Variants in DSCAML1 observed in about 807,000 individuals in gnomAD.
DSCAML1 encodes the protein cell adhesion molecule DSCAML1.
A neutral mutation model predicts 200.5 loss-of-function variants in DSCAML1; 38 were observed. The ratio of observed to expected loss-of-function variants is 0.19; its 90% CI spans 0.15 to 0.25. The LOEUF (loss-of-function observed/expected upper bound fraction) is 0.25, where lower values mean the gene tolerates loss of function less well. Ranked by LOEUF, DSCAML1 falls within the 10% of genes least tolerant of loss-of-function variation. DSCAML1 has a pLI of 1.00. For missense variants in DSCAML1, 2,223 were observed against 2,858.8 expected, an observed-to-expected ratio of 0.78 and a Z score of 5.07; for synonymous variants, 1,215 against 1,165.0, an observed-to-expected ratio of 1.04 and a Z score of -0.87.
At chr11:117,774,388 T>C (rs2055092920) in intron 3 of DSCAML1, among the ~76,000 whole-genome samples, 1 of 152,206 alleles carries the variant, frequency 6.6e-6, no homozygotes, top group South Asian at 2.1e-4. Flanking sequence ...CTCTTCCACC[T>C]AATAATCGCA....
chr11:117,432,338 G>A lies in DSCAML1; in HGVS notation c.5179+14C>T, dbSNP rs748096280. 21 of 1,609,148 alleles carry A rather than the reference G, an allele frequency of 1.3e-5. No individual in the cohort carries two copies. The highest frequency in any genetic ancestry group is 1.7e-5 in the Admixed American group (1 of 59,114). Reference sequence around the variant, plus strand: ...GGTTGGGAAAAGGGCTGTCTCCCTGGGGATAATGCGTACTGGTTCCTGGCC... The same window carrying A: ...GGTTGGGAAAAGGGCTGTCTCCCTGAGGATAATGCGTACTGGTTCCTGGCC... On this transcript the variant is annotated intron_variant, in intron 30 of 32. Coordinates refer to ENST00000651296, the MANE Select transcript of DSCAML1 (RefSeq NM_020693.4).
At chr11:117,495,101 G>A (rs893262362) in intron 11 of DSCAML1, among the ~76,000 whole-genome samples, 4 of 152,170 alleles carry the variant, frequency 2.6e-5, no homozygotes, top group Non-Finnish European at 5.9e-5. Flanking sequence ...GCCCAGGGAT[G>A]GTAGCCAAGC....
rs767147787 is a variant in DSCAML1 at position 117,428,734 on chromosome 11, G to A, written c.5756C>T (p.Pro1919Leu). The change falls in exon 33 of 33, where the codon CCC (proline) becomes CTC (leucine). Residue 1919 changes from proline (P) to leucine (L), a missense_variant. Physicochemically the swap from Pro to Leu is moderately conservative, Grantham distance 98. Around this residue, in one of 7 missense-constraint regions of DSCAML1, gnomAD observed 280 missense variants for 213.4 expected, o/e 1.31. Transcript: ENST00000651296. ...AFFRKADGRE[P>L]CPVVPPREAS... ...CTCACGGGGTGGGACCACGGGGCAG[G>A]GCTCACGTCCATCTGCCTTTCGAAA... The A allele has an allele frequency of 1.9e-6, 3 of 1,612,938 alleles. No homozygotes were observed. The highest frequency in any genetic ancestry group is 2.5e-6 in the Non-Finnish European group (3 of 1,179,728).
intron 1 of DSCAML1, among the ~76,000 whole-genome samples, chr11:117,804,924 C>T (rs1174436604): frequency 2.5e-5 from 3 of 121,982 alleles, no homozygotes; most frequent in Non-Finnish European, 5.6e-5. Flanking sequence ...GACTCTGTCT[C>T]ATAAAAGAAA....
chr11:117,439,033 G>A (rs773994853), intron 23 of DSCAML1, 50 bp from the exon 24 acceptor site: 5 of 1,517,710 alleles, frequency 3.3e-6, no homozygotes, highest in African/African-American at 1.4e-5. Flanking sequence ...ACCCTGTGAT[G>A]GGGTGTGGGG....
chr11:117,716,718 A>G (rs1366725731), intron 3 of DSCAML1, among the ~76,000 whole-genome samples: 1 of 152,242 alleles, frequency 6.6e-6, no homozygotes, highest in Non-Finnish European at 1.5e-5. Context: ...TTGGGGGGAA[A>G]AAGAAAACAC....
chr11:117,450,889 C>T (rs1295039623), intron 19 of DSCAML1, among the ~76,000 whole-genome samples: 1 of 152,138 alleles, frequency 6.6e-6, no homozygotes, highest in Non-Finnish European at 1.5e-5. Flanking sequence ...GGAATTGTAA[C>T]GAAGTCTCTG....
chr11:117,571,630 C>A (rs2050848904), intron 3 of DSCAML1, among the ~76,000 whole-genome samples: 1 of 152,176 alleles, frequency 6.6e-6, no homozygotes, highest in African/African-American at 2.4e-5. Flanking sequence ...AGAGTGGATG[C>A]AGATGAAGGC....
chr11:117,475,264 A>G (rs1466669028), intron 14 of DSCAML1, among the ~76,000 whole-genome samples: 1 of 152,150 alleles, frequency 6.6e-6, no homozygotes, highest in Non-Finnish European at 1.5e-5. Context: ...TGAGCATTCC[A>G]TCTTGGCCCT....
At chr11:117,547,246 G>C (rs988872454) in intron 3 of DSCAML1, among the ~76,000 whole-genome samples, 5 of 152,160 alleles carry the variant, frequency 3.3e-5, no homozygotes, top group African/African-American at 9.7e-5. Context: ...TTTCCCGCTG[G>C]GGGTGCTTTG....
intron 3 of DSCAML1, among the ~76,000 whole-genome samples, chr11:117,564,834 C>T (rs1318003641): frequency 2.0e-5 from 3 of 151,634 alleles, no homozygotes; most frequent in East Asian, 1.9e-4. Context: ...GGTGCGATCT[C>T]GGCTCACTGC....
chr11:117,792,047 C>T (rs1312360662), intron 1 of DSCAML1, among the ~76,000 whole-genome samples: 2 of 152,220 alleles, frequency 1.3e-5, no homozygotes, highest in African/African-American at 2.4e-5. Flanking sequence ...CAGTGGGTTG[C>T]AACCTTTCTT....
chr11:117,636,967 A>G (rs2052300029), intron 3 of DSCAML1, among the ~76,000 whole-genome samples: 1 of 152,202 alleles, frequency 6.6e-6, no homozygotes, highest in Admixed American at 6.5e-5. Context: ...CACCCTGTTC[A>G]TGAACACCTT....
At chr11:117,664,220 G>A (rs185947971) in intron 3 of DSCAML1, among the ~76,000 whole-genome samples, 3 of 152,244 alleles carry the variant, frequency 2.0e-5, no homozygotes, top group African/African-American at 7.2e-5. Context: ...CAGAGAACCC[G>A]AGGCCTAGAC....
At chr11:117,449,313 C>T (rs2048239264) in intron 20 of DSCAML1, among the ~76,000 whole-genome samples, 1 of 152,058 alleles carries the variant, frequency 6.6e-6, no homozygotes, top group South Asian at 2.1e-4. Flanking sequence ...CGGAGGTCTA[C>T]AGTGATGACG....
chr11:117,759,348 T>C (rs1449124436), intron 3 of DSCAML1, among the ~76,000 whole-genome samples: 1 of 152,134 alleles, frequency 6.6e-6, no homozygotes, highest in Middle Eastern at 3.2e-3. Context: ...TCAGGATACA[T>C]TGGAACAAAC....
chr11:117,442,545 G>A (rs1035473176), intron 21 of DSCAML1, among the ~76,000 whole-genome samples: 6 of 152,102 alleles, frequency 3.9e-5, no homozygotes, highest in Admixed American at 2.6e-4. Context: ...AAGGGGGCAG[G>A]AGTGGTTGTC....
At chr11:117,482,671 C>T (rs752138422) in intron 11 of DSCAML1, among the ~76,000 whole-genome samples, 14 of 152,046 alleles carry the variant, frequency 9.2e-5, no homozygotes, top group Admixed American at 1.3e-4. Flanking sequence ...GGAGCATATC[C>T]GAGGATTTCT....
intron 15 of DSCAML1, 128 bp downstream of exon 15, chr11:117,471,741 T>G: frequency 2.4e-6 from 2 of 840,614 alleles, no homozygotes; most frequent in South Asian, 3.1e-5. Flanking sequence ...CAAACATCTG[T>G]TAGGATGCTT....
Sources: allele counts gnomAD v4.1 joint callset (sites outside exome capture counted in the v4.1 genomes callset), GRCh38; gene constraint gnomAD v4.1.1; regional missense constraint gnomAD v4.1.1; transcripts MANE v1.5; gene names NCBI Gene and HGNC (gene_info 2026-07-23, HGNC 2026-07-21).